BUB3: variants seen among roughly 807,000 people sequenced by gnomAD.
BUB3 encodes the protein BUB3 mitotic checkpoint protein.
A neutral mutation model predicts 39.9 loss-of-function variants in BUB3; 22 were observed. The ratio of observed to expected loss-of-function variants is 0.55; its 90% CI spans 0.39 to 0.79. BUB3 has a LOEUF of 0.79. BUB3 is among the 30% of genes least tolerant of loss of function. The pLI is 0.00. For missense variants in BUB3, 303 were observed against 415.4 expected (o/e 0.73, Z 2.35); for synonymous variants, 168 against 155.1 (o/e 1.08, Z -0.62).
In BUB3 at chr10:123,162,593, G is replaced by C. The variant is rs762303389; in HGVS notation, c.755-19G>C. The C allele has an allele frequency of 2.0e-6, 3 of 1,490,516 alleles. No individual in the cohort carries two copies. The highest frequency in any genetic ancestry group is 5.3e-5 in the East Asian group (2 of 37,446). The allele number at this position is 1,490,516 out of a possible 1,614,324, so 92.3% of individuals were successfully genotyped here. On this transcript the variant is annotated intron_variant, in intron 6 of 7. Transcript: ENST00000368865. ...TCTGGTGTTAAGAACCATTTTAACTGTTTTGAAATTACTTCCAGGTGGTTC... is the reference window on the plus strand; with the variant it reads ...TCTGGTGTTAAGAACCATTTTAACTCTTTTGAAATTACTTCCAGGTGGTTC...
rs534512164 is a variant in BUB3, at chr10:123,159,198, T to C, written c.418-1209T>C. Reference sequence around the variant, plus strand: ...TTAATTTTAATTCCTTATTTTTCCCTTGGTCACATTAATTGTTGAATTTTA... The same window carrying C: ...TTAATTTTAATTCCTTATTTTTCCCCTGGTCACATTAATTGTTGAATTTTA... On this transcript the variant is annotated intron_variant, in intron 4 of 7. Coordinates refer to ENST00000368865, the MANE Select transcript of BUB3 (RefSeq NM_004725.4). 3.9e-5 allele frequency among the ~76,000 whole-genome samples: 6 copies of C among 152,350 alleles called. 1 individual carries two copies. The South Asian group carries it at 1.2e-3, about 32-fold the overall frequency.
chr10:123,154,890 C>T, intron 1 of BUB3, 28 bp from the exon 2 acceptor site: 6 of 1,588,336 alleles, frequency 3.8e-6, no homozygotes, highest in South Asian at 2.3e-5. Flanking sequence ...CGCGGGACCC[C>T]TGGGGACTCT....
intron 4 of BUB3, among the ~76,000 whole-genome samples, chr10:123,158,082 TTTTA>T (rs1403297276): frequency 6.6e-6 from 1 of 152,238 alleles, no homozygotes; most frequent in African/African-American, 2.4e-5. Context: ...TTGGGCCAAC[TTTTA>T]TTTGTCAGTT....
chr10:123,155,223 G>A, intron 2 of BUB3, 111 bp downstream of exon 2: 1 of 1,244,938 alleles, frequency 8.0e-7, no homozygotes, highest in Non-Finnish European at 1.1e-6. Flanking sequence ...GGGGTTATTT[G>A]GACAGTTCTT....
chr10:123,156,540 T>G (rs1395758299), intron 3 of BUB3, among the ~76,000 whole-genome samples: 1 of 152,222 alleles, frequency 6.6e-6, no homozygotes, highest in East Asian at 1.9e-4. Context: ...CTTCTGTAAC[T>G]TATACTGCAG....
At chr10:123,158,904 G>A (rs1844384790) in intron 4 of BUB3, among the ~76,000 whole-genome samples, 1 of 152,020 alleles carries the variant, frequency 6.6e-6, no homozygotes, top group Non-Finnish European at 1.5e-5. Flanking sequence ...GCATGACAGT[G>A]GTTTCACTTG....
intron 1 of BUB3, 171 bp from the exon 2 acceptor site, chr10:123,154,747 A>T: frequency 2.9e-6 from 2 of 679,800 alleles, no homozygotes; most frequent in South Asian, 2.1e-5. Flanking sequence ...GGGCCGGATG[A>T]TGGGGCGAGT....
Position 123,164,581 on chromosome 10 carries a change from G to T in BUB3, c.*746G>T. The T allele has an allele frequency of 1.0e-6, 1 of 987,332 alleles. No individual in the cohort carries two copies. Among genetic ancestry groups the T allele is most frequent in the Non-Finnish European group, 1.2e-6 (1 of 831,268 alleles). The allele number at this position is 987,332 out of a possible 1,614,324, so 61.2% of individuals were successfully genotyped here. A position where few individuals can be genotyped will look rare whatever the true frequency, so the allele number is the denominator to read the frequency against. ...TATCTGTGTATTTGGAAAAATAATTGTAACGTAATTGCAGTGCATTTAGAC... is the reference window on the plus strand; with the variant it reads ...TATCTGTGTATTTGGAAAAATAATTTTAACGTAATTGCAGTGCATTTAGAC... On this transcript the variant is annotated 3_prime_UTR_variant, in exon 8 of 8. Coordinates refer to ENST00000368865, the MANE Select transcript of BUB3 (RefSeq NM_004725.4).
chr10:123,163,266 G>T, intron 7 of BUB3: 1 of 168,240 alleles, frequency 5.9e-6, no homozygotes, highest in Non-Finnish European at 1.3e-5. Flanking sequence ...GGTCTTATTG[G>T]AAACTCAGAG....
At position 123,162,812 on chromosome 10, in the gene BUB3, G is replaced by A; in HGVS notation, c.955G>A (p.Ala319Thr). The change falls in exon 7 of 8, where the codon GCA (alanine) becomes ACA (threonine). Residue 319 changes from alanine to threonine, a missense_variant. Transcript: ENST00000368865. ...TATCTTCATTCGCCAAGTGACAGAT[G>A]CAGAAACAAAACCCAAGTGAGTATG... ...DGIFIRQVTD[A>T]ETKPKSPCT 1 of 1,613,068 alleles carries A rather than the reference G, an allele frequency of 6.2e-7. No homozygotes were observed. Among genetic ancestry groups the A allele is most frequent in the Non-Finnish European group, 8.5e-7 (1 of 1,179,646 alleles).
intron 2 of BUB3, 93 bp from the exon 3 acceptor site, chr10:123,155,565 C>A: frequency 8.1e-7 from 1 of 1,227,086 alleles, no homozygotes; most frequent in East Asian, 2.4e-5. Context: ...AGTGCATATC[C>A]CGAGCATAAA....
At position 123,163,910 on chromosome 10, in the gene BUB3, T is replaced by G; in HGVS notation, c.*75T>G. 6.9e-7 allele frequency: 1 copy of G among 1,444,054 alleles called. No individual in the cohort carries two copies. Among genetic ancestry groups the G allele is most frequent in the Non-Finnish European group, 9.3e-7 (1 of 1,079,028 alleles). 89.5% of individuals were successfully genotyped at this position (1,444,054 alleles called of 1,614,324 possible). ...TACTCCCCAATGGTGGATTTATTAC[T>G]ATTAAAGAAACCAGGGAAAATATTA... is the stretch of plus-strand genomic sequence containing the variant. On this transcript the variant is annotated 3_prime_UTR_variant, in exon 8 of 8. Transcript: ENST00000368865.
intron 4 of BUB3, among the ~76,000 whole-genome samples, chr10:123,160,067 A>G (rs2133568246): frequency 6.6e-6 from 1 of 152,186 alleles, no homozygotes; most frequent in Admixed American, 6.5e-5. Context: ...ATTTTTTTTT[A>G]CACTTTTATG....
At chr10:123,154,671 A>G in intron 1 of BUB3, among the ~76,000 whole-genome samples, 186 bp downstream of exon 1, 1 of 152,096 alleles carries the variant, frequency 6.6e-6, no homozygotes, top group Non-Finnish European at 1.5e-5. Flanking sequence ...GGGTCCGGGC[A>G]TCGCTGTGGG....
intron 5 of BUB3, among the ~76,000 whole-genome samples, chr10:123,160,993 A>G (rs184939280): frequency 6.6e-6 from 1 of 151,940 alleles, no homozygotes; most frequent in Non-Finnish European, 1.5e-5. Flanking sequence ...CCTAATGCTT[A>G]TGGAGTTCTT....
chr10:123,155,193 G>C (rs1844334598), intron 2 of BUB3, 81 bp downstream of exon 2: 1 of 1,455,522 alleles, frequency 6.9e-7, no homozygotes, highest in Admixed American at 2.3e-5. Flanking sequence ...TTCCAGTGTT[G>C]GGTAGAGGCG....
At chr10:123,163,054 C>T (rs769199249) in intron 7 of BUB3, 39 of 518,836 alleles carry the variant, frequency 7.5e-5, no homozygotes, top group Admixed American at 2.4e-4. Flanking sequence ...GAATGTCAAA[C>T]TCTTATTCTT....
chr10:123,162,953 G>A (rs1450034627), intron 7 of BUB3, 125 bp downstream of exon 7: 3 of 910,796 alleles, frequency 3.3e-6, no homozygotes, highest in African/African-American at 1.7e-5. Context: ...TAGGGTTGGA[G>A]TTGATGTTAT....
chr10:123,154,438 GC>G lies in BUB3; in HGVS notation c.-47del, dbSNP rs1404841923. ...GGGAAGCAAGGAGGCGGCGGCGGCC[GC>G]AGCGAGTGGCGAGTAGTGGAAACGT... On this transcript the variant is annotated 5_prime_UTR_variant, in exon 1 of 8. Transcript: ENST00000368865. 4 of 154,882 alleles carry G rather than the reference GC, an allele frequency of 2.6e-5. No individual in the cohort carries two copies. The highest frequency in any genetic ancestry group is 4.8e-5 in the African/African-American group (2 of 41,500). The allele number at this position is 154,882 out of a possible 1,614,324, so 9.6% of individuals were successfully genotyped here.
Sources: gnomAD v4.1 joint callset for allele counts (sites outside exome capture counted in the v4.1 genomes callset) on GRCh38, gnomAD v4.1.1 for gene constraint, MANE v1.5 for transcripts, NCBI Gene and HGNC (gene_info 2026-07-23, HGNC 2026-07-21) for gene names.